The following EYS variants were observed in gnomAD, a reference collection of about 807,000 sequenced individuals.
EYS encodes the protein protein eyes shut homolog.
A neutral mutation model predicts 282.1 loss-of-function variants in EYS; 250 were observed. That is an observed-to-expected ratio of 0.89 (90% CI 0.80 to 0.98). EYS has a LOEUF of 0.98. Among genes scored for constraint, EYS ranks in the 50% least tolerant of loss-of-function variants. EYS has a pLI of 0.00. For missense variants in EYS, 4,016 were observed against 3,709.0 expected (o/e 1.08, Z -2.15); for synonymous variants, 1,355 against 1,282.9 (o/e 1.06, Z -1.20).
intron 8 of EYS, among the ~76,000 whole-genome samples, chr6:65,365,510 T>C (rs1399291124): frequency 1.6e-5 from 2 of 125,634 alleles, no homozygotes; most frequent in Non-Finnish European, 3.4e-5. Context: ...CTTTCAGAAA[T>C]TGATGTTAGG....
chr6:64,018,759 GTTTT>G (rs1163533009), intron 33 of EYS, among the ~76,000 whole-genome samples: 57 of 53,844 alleles, frequency 1.1e-3, no homozygotes, highest in African/African-American at 4.0e-3. Flanking sequence ...CATCACAAGT[GTTTT>G]TTTTTTTTTT....
intron 2 of EYS, among the ~76,000 whole-genome samples, chr6:65,621,715 C>A (rs923361319): frequency 6.6e-6 from 1 of 151,758 alleles, no homozygotes. Flanking sequence ...CCATGTTTAG[C>A]ACTTCCTTCA....
Position 64,553,556 on chromosome 6 carries a change from C to CCCCA in EYS, c.5644+36666_5644+36667insTGGG, listed in dbSNP as rs1016341329. 3.5e-4 allele frequency among the ~76,000 whole-genome samples: 48 copies of CCCCA among 137,500 alleles called. 4 individuals carry two copies. The highest frequency in any genetic ancestry group is 6.3e-4 in the Non-Finnish European group (40 of 63,332). 90.2% of individuals were successfully genotyped at this position (137,500 alleles called of 152,430 possible). A position where few individuals can be genotyped will look rare whatever the true frequency, so the allele number is the denominator to read the frequency against. ...GTGACTTTTGTTTGACCCCCCCCCC[C>CCCCA]CCATAGGCAGTTACAAGGCAAATGT... On this transcript the variant is annotated intron_variant, in intron 26 of 42. Coordinates refer to ENST00000503581, the MANE Select transcript of EYS (RefSeq NM_001142800.2).
chr6:64,248,240 G>T (rs1038406221), intron 30 of EYS, among the ~76,000 whole-genome samples: 1 of 151,784 alleles, frequency 6.6e-6, no homozygotes, highest in Non-Finnish European at 1.5e-5. Context: ...TCTTGAGAGA[G>T]AGGGCTGGAA....
intron 2 of EYS, among the ~76,000 whole-genome samples, chr6:65,582,621 T>C (rs1764910230): frequency 6.6e-6 from 1 of 152,118 alleles, no homozygotes; most frequent in Admixed American, 6.6e-5. Flanking sequence ...ATGATCTTTC[T>C]TTACTTTCAA....
chr6:64,194,062 C>A (rs1012998232), intron 31 of EYS, among the ~76,000 whole-genome samples: 2 of 151,928 alleles, frequency 1.3e-5, no homozygotes, highest in Non-Finnish European at 2.9e-5. Flanking sequence ...TTAGTAGAGA[C>A]GGGGTTTCAC....
At chr6:65,540,336 G>A (rs1181724020) in intron 2 of EYS, among the ~76,000 whole-genome samples, 1 of 152,084 alleles carries the variant, frequency 6.6e-6, no homozygotes, top group Non-Finnish European at 1.5e-5. Context: ...GAGGAGAAAG[G>A]GGAGGCATCA....
At chr6:65,610,056 G>A (rs1582515228) in intron 2 of EYS, among the ~76,000 whole-genome samples, 1 of 151,922 alleles carries the variant, frequency 6.6e-6, no homozygotes, top group African/African-American at 2.4e-5. Context: ...ATGCCACCAC[G>A]CCTGGCTAGT....
chr6:63,803,352 C>T (rs141784094), intron 37 of EYS, among the ~76,000 whole-genome samples: 32 of 151,548 alleles, frequency 2.1e-4, no homozygotes, highest in South Asian at 4.2e-4. Context: ...TCCCTTCCTG[C>T]GCTATAGTGG....
intron 22 of EYS, among the ~76,000 whole-genome samples, chr6:64,697,373 C>T (rs1056817567): frequency 2.6e-5 from 4 of 152,072 alleles, no homozygotes; most frequent in African/African-American, 9.7e-5. Context: ...AACTGGAGAA[C>T]CCACATTCGT....
chr6:64,955,934 T>G (rs1769688135), intron 14 of EYS, among the ~76,000 whole-genome samples: 1 of 152,226 alleles, frequency 6.6e-6, no homozygotes, highest in Non-Finnish European at 1.5e-5. Flanking sequence ...CACTCTCTGG[T>G]GTCCACATGC....
intron 26 of EYS, among the ~76,000 whole-genome samples, chr6:64,553,010 C>T (rs990515334): frequency 6.7e-6 from 1 of 149,714 alleles, no homozygotes; most frequent in Non-Finnish European, 1.5e-5. Context: ...CAAGTTGTCC[C>T]GACTTTCTGT....
intron 14 of EYS, among the ~76,000 whole-genome samples, chr6:64,976,485 G>A (rs1048660696): frequency 1.3e-5 from 2 of 151,798 alleles, no homozygotes; most frequent in African/African-American, 4.8e-5. Context: ...ATCTGCTGAG[G>A]CCTACTTCCT....
At chr6:64,442,765 A>G (rs1774993177) in intron 26 of EYS, among the ~76,000 whole-genome samples, 1 of 152,224 alleles carries the variant, frequency 6.6e-6, no homozygotes, top group Non-Finnish European at 1.5e-5. Context: ...CTGCAGGTGC[A>G]CAGAAGTCAA....
Position 65,668,390 on chromosome 6 carries a change from T to C in EYS, c.-447-28498A>G, listed in dbSNP as rs1768271139. 3.3e-5 allele frequency among the ~76,000 whole-genome samples: 5 copies of C among 152,018 alleles called. No homozygotes were observed. The South Asian group carries it at 1.0e-3, about 31-fold the overall frequency. ...TCATTATTTTATATTGGGTCTTGGC[T>C]AACTGTGGCTCTTGGACTAAATCCA... On this transcript the variant is annotated intron_variant, in intron 1 of 42. Transcript: ENST00000503581.
chr6:65,272,022 C>CT (rs1274299230), intron 12 of EYS, among the ~76,000 whole-genome samples: 1 of 152,192 alleles, frequency 6.6e-6, no homozygotes, highest in African/African-American at 2.4e-5. Flanking sequence ...ATACATACAG[C>CT]TTTCAGATTG....
At chr6:65,506,526 T>C (rs1321477130) in intron 2 of EYS, among the ~76,000 whole-genome samples, 1 of 133,844 alleles carries the variant, frequency 7.5e-6, no homozygotes, top group African/African-American at 2.7e-5. Flanking sequence ...TTGCCAAGGC[T>C]AAAGTGCAAT....
At chr6:65,399,795 A>T (rs556216559) in intron 7 of EYS, among the ~76,000 whole-genome samples, 1 of 152,056 alleles carries the variant, frequency 6.6e-6, no homozygotes, top group Non-Finnish European at 1.5e-5. Flanking sequence ...AACTGTCTAT[A>T]GGTAGTTCTT....
chr6:63,866,483 G>C (rs1438965974), intron 35 of EYS, among the ~76,000 whole-genome samples: 2 of 152,194 alleles, frequency 1.3e-5, no homozygotes, highest in East Asian at 1.9e-4. Context: ...TGATTTAAAT[G>C]CTTTAATCAT....
Sources: gnomAD v4.1 joint callset for allele counts (sites outside exome capture counted in the v4.1 genomes callset) on GRCh38, gnomAD v4.1.1 for gene constraint, MANE v1.5 for transcripts, NCBI Gene and HGNC (gene_info 2026-07-23, HGNC 2026-07-21) for gene names.